WFDC13: variants seen among roughly 807,000 people sequenced by gnomAD.
WFDC13 encodes WAP four-disulfide core domain 13.
In WFDC13, 6 loss-of-function variants were observed where a neutral mutation model predicts 10.9. That is an observed-to-expected ratio of 0.55 (90% CI 0.30 to 1.09). The LOEUF (loss-of-function observed/expected upper bound fraction) is 1.09. WFDC13 is among the 50% of genes least tolerant of loss of function. WFDC13 has a pLI of 0.06. For missense variants in WFDC13, 104 were observed against 109.6 expected, an observed-to-expected ratio of 0.95 and a Z score of 0.23; for synonymous variants, 38 against 39.5, an observed-to-expected ratio of 0.96 and a Z score of 0.14.
At chr20:45,705,750 G>A (rs1241229604) in intron 2 of WFDC13, 113 bp from the exon 3 acceptor site, 74 of 997,698 alleles carry the variant, frequency 7.4e-5, no homozygotes, top group Non-Finnish European at 1.0e-4. Context: ...CCTATGGCAA[G>A]AGAAATGAGC....
At chr20:45,704,818 G>T in intron 2 of WFDC13, 12 of 1,375,924 alleles carry the variant, frequency 8.7e-6, no homozygotes, top group Non-Finnish European at 1.2e-5. Flanking sequence ...CACCATATCC[G>T]TGAATTTCTG....
At chr20:45,704,695 T>A (rs1388473781) in intron 2 of WFDC13, 101 bp downstream of exon 2, 11 of 1,512,968 alleles carry the variant, frequency 7.3e-6, no homozygotes, top group Non-Finnish European at 9.7e-6. Flanking sequence ...TCCTTTTTTT[T>A]TTTTTTCCTT....
intron 1 of WFDC13, 55 bp from the exon 2 acceptor site, chr20:45,704,389 G>A: frequency 6.4e-7 from 1 of 1,568,740 alleles, no homozygotes; most frequent in East Asian, 2.3e-5. Flanking sequence ...TCTGAGTTCT[G>A]AACATTACTC....
chr20:45,706,043 T>C, intron 3 of WFDC13, 116 bp downstream of exon 3: 1 of 842,448 alleles, frequency 1.2e-6, no homozygotes. Flanking sequence ...TGGCCTCTCA[T>C]TACCTGATTG....
Position 45,702,094 on chromosome 20 carries a change from C to T in WFDC13, c.-30C>T. 6.2e-7 allele frequency: 1 copy of T among 1,604,792 alleles called. No individual in the cohort carries two copies. Among genetic ancestry groups the T allele is most frequent in the African/African-American group, 1.3e-5 (1 of 74,878 alleles). ...CTGGTCAAACCCAGCAACCCTTGGC[C>T]AGAACTTACTCACCCATCCCACTGA... On this transcript the variant is annotated 5_prime_UTR_variant, in exon 1 of 4. Coordinates refer to ENST00000305479, the MANE Select transcript of WFDC13 (RefSeq NM_172005.2).
chr20:45,708,618 C>T lies in WFDC13; in HGVS notation c.*783C>T, dbSNP rs1984490744. On this transcript the variant is annotated 3_prime_UTR_variant, in exon 4 of 4. Transcript: ENST00000305479. ...TCTCTCTACAGAAATGATATAAAAA[C>T]TATAGTCATAAGAAGAGACAATCAA... is the stretch of plus-strand genomic sequence containing the variant. 1 of 152,134 alleles carries T rather than the reference C, an allele frequency of 6.6e-6. No individual in the cohort carries two copies. Among genetic ancestry groups the T allele is most frequent in the East Asian group, 1.9e-4 (1 of 5,182 alleles). The allele number at this position is 152,134 out of a possible 1,614,324, so 9.4% of individuals were successfully genotyped here.
At chr20:45,705,746 G>C (rs879218483) in intron 2 of WFDC13, 117 bp from the exon 3 acceptor site, 2 of 943,848 alleles carry the variant, frequency 2.1e-6, no homozygotes, top group Middle Eastern at 2.7e-4. Context: ...CTTCCCTATG[G>C]CAAGAGAAAT....
chr20:45,708,541 CTT>C lies in WFDC13; in HGVS notation c.*708_*709del, dbSNP rs1338356015. On this transcript the variant is annotated 3_prime_UTR_variant, in exon 4 of 4. Coordinates refer to ENST00000305479, the MANE Select transcript of WFDC13 (RefSeq NM_172005.2). ...ATCTTTCCTAAACTACCAATAATAA[CTT>C]TAAATTTTTGATCAACCATGCTAGA... is the stretch of plus-strand genomic sequence containing the variant. The C allele has an allele frequency of 5.3e-5, 8 of 152,048 alleles. No individual in the cohort carries two copies. The highest frequency in any genetic ancestry group is 7.4e-5 in the Non-Finnish European group (5 of 68,022). The allele number at this position is 152,048 out of a possible 1,614,324, so 9.4% of individuals were successfully genotyped here.
intron 2 of WFDC13, chr20:45,705,267 A>AT (rs1234759082): frequency 2.2e-6 from 1 of 448,958 alleles, no homozygotes; most frequent in East Asian, 4.1e-5. Flanking sequence ...CAAGGCCCAT[A>AT]TGAAATTTCA....
intron 1 of WFDC13, among the ~76,000 whole-genome samples, chr20:45,703,702 T>G (rs113508860): frequency 2.0e-5 from 3 of 152,238 alleles, no homozygotes; most frequent in African/African-American, 7.2e-5. Context: ...AGCTTTGAAC[T>G]GAAATACTTG....
rs2145645398 is a variant in WFDC13, at chr20:45,704,402, G to A, written c.89-42G>A. Reference sequence around the variant, plus strand: ...TTTCTGAGTTCTGAACATTACTCCAGCCTGTTGGTGAGGCCCTTCTCTTAC... The same window carrying A: ...TTTCTGAGTTCTGAACATTACTCCAACCTGTTGGTGAGGCCCTTCTCTTAC... On this transcript the variant is annotated intron_variant, in intron 1 of 3. Coordinates refer to ENST00000305479, the MANE Select transcript of WFDC13 (RefSeq NM_172005.2). 5.7e-6 allele frequency: 9 copies of A among 1,586,174 alleles called. No individual in the cohort carries two copies. The East Asian group carries it at 1.8e-4, about 32-fold the overall frequency.
chr20:45,706,999 G>GCTTAGTC (rs1984419095), intron 3 of WFDC13, among the ~76,000 whole-genome samples: 1 of 152,326 alleles, frequency 6.6e-6, no homozygotes, highest in Non-Finnish European at 1.5e-5. Flanking sequence ...TGGTCTTTCA[G>GCTTAGTC]CTTAGTCCTT....
chr20:45,705,806 A>G (rs998586567), intron 2 of WFDC13, 57 bp from the exon 3 acceptor site: 175 of 1,515,918 alleles, frequency 1.2e-4, no homozygotes, highest in Middle Eastern at 1.0e-3. Context: ...AGAAAAATAT[A>G]TATCTCTAAA....
At chr20:45,704,400 C>T in intron 1 of WFDC13, 44 bp from the exon 2 acceptor site, 3 of 1,583,758 alleles carry the variant, frequency 1.9e-6, no homozygotes, top group Non-Finnish European at 2.6e-6. Flanking sequence ...AACATTACTC[C>T]AGCCTGTTGG....
At position 45,704,547 on chromosome 20, in the gene WFDC13, C is replaced by A. The variant is rs772040401; in HGVS notation, c.192C>A (p.Ser64=). Residue 64 remains serine (S), a synonymous_variant, in exon 2 of 4, where the codon TCC becomes TCA. Coordinates refer to ENST00000305479, the MANE Select transcript of WFDC13 (RefSeq NM_172005.2). ...AGAAAGGATTTCAGTGCTGTTCCTCCTTCTGTGGGATAGTCTGTTCATCAG... is the reference window on the plus strand; with the variant it reads ...AGAAAGGATTTCAGTGCTGTTCCTCATTCTGTGGGATAGTCTGTTCATCAG... ...DCEKGFQCCS[S]FCGIVCSSET... The A allele has an allele frequency of 6.2e-7, 1 of 1,614,178 alleles. No individual in the cohort carries two copies. The highest frequency in any genetic ancestry group is 1.1e-5 in the South Asian group (1 of 91,082).
chr20:45,703,484 G>T (rs1984256282), intron 1 of WFDC13, among the ~76,000 whole-genome samples: 1 of 152,108 alleles, frequency 6.6e-6, no homozygotes, highest in South Asian at 2.1e-4. Flanking sequence ...ATTTGCAGAG[G>T]AATAGACCCA....
At position 45,704,514 on chromosome 20, in the gene WFDC13, A is replaced by C. The variant is rs1403138883; in HGVS notation, c.159A>C (p.Glu53Asp). The C allele has an allele frequency of 3.7e-6, 6 of 1,614,078 alleles. No homozygotes were observed. Among genetic ancestry groups the C allele is most frequent in the African/African-American group, 2.7e-5 (2 of 74,936 alleles). ...ENCTHLCTMQEDCEKGFQCCS... is the reference protein window; with the variant it reads ...ENCTHLCTMQDDCEKGFQCCS... ...GTACTCACCTGTGTACAATGCAGGA[A>C]GATTGCGAGAAAGGATTTCAGTGCT... The change falls in exon 2 of 4, where the codon GAA becomes GAC. Residue 53 changes from glutamate (E) to aspartate (D), a missense_variant. Physicochemically the swap from Glu to Asp is conservative, Grantham distance 45. Transcript: ENST00000305479.
chr20:45,707,418 T>C (rs1984439496), intron 3 of WFDC13, among the ~76,000 whole-genome samples: 1 of 152,238 alleles, frequency 6.6e-6, no homozygotes, highest in East Asian at 1.9e-4. Flanking sequence ...TATCCAATAC[T>C]GTAGGCACTG....
At position 45,703,221 on chromosome 20, in the gene WFDC13, T is replaced by G. The variant is rs78958206; in HGVS notation, c.88+1010T>G. Among the ~76,000 whole-genome samples the G allele has an allele frequency of 5.6e-3, 859 of 152,292 alleles. 8 individuals are homozygous for G. The highest frequency in any genetic ancestry group is 0.02 in the African/African-American group (825 of 41,564). On this transcript the variant is annotated intron_variant, in intron 1 of 3. Transcript: ENST00000305479. Reference sequence around the variant, plus strand: ...TGGTGTCTATCTCTAAACTGCTCTGTTGAGCCCCAAGCTCTTCAAAGTGTG... The same window carrying G: ...TGGTGTCTATCTCTAAACTGCTCTGGTGAGCCCCAAGCTCTTCAAAGTGTG...
Sources: allele counts gnomAD v4.1 joint callset (sites outside exome capture counted in the v4.1 genomes callset), GRCh38; gene constraint gnomAD v4.1.1; transcripts MANE v1.5; gene names NCBI Gene and HGNC (gene_info 2026-07-23, HGNC 2026-07-21).